The following RAF1 variants were observed in gnomAD, a reference collection of about 807,000 sequenced individuals.
RAF1 encodes the protein RAF proto-oncogene serine/threonine-protein kinase.
In RAF1, 27 loss-of-function variants were observed where a neutral mutation model predicts 81.1. The observed-to-expected ratio is 0.33, with a 90% CI of 0.25 to 0.46. The LOEUF is 0.46. RAF1 is among the 20% of genes least tolerant of loss of function. The pLI is 1.00. For missense variants in RAF1, 598 were observed against 826.0 expected (o/e 0.72, Z 3.38); for synonymous variants, 298 against 294.0 (o/e 1.01, Z -0.14).
At chr3:12,660,912 C>T (rs866565039) in intron 1 of RAF1, among the ~76,000 whole-genome samples, 2 of 151,988 alleles carry the variant, frequency 1.3e-5, no homozygotes, top group African/African-American at 2.4e-5. Flanking sequence ...AGGCAGAGGT[C>T]GCAGTGAGCC....
At chr3:12,622,249 G>A (rs1011729406) in intron 1 of RAF1, among the ~76,000 whole-genome samples, 3 of 152,088 alleles carry the variant, frequency 2.0e-5, no homozygotes, top group African/African-American at 7.2e-5. Context: ...AATAGATGAC[G>A]GAAGAGACAG....
At chr3:12,612,419 C>T (rs1325121565) in intron 2 of RAF1, among the ~76,000 whole-genome samples, 3 of 151,954 alleles carry the variant, frequency 2.0e-5, no homozygotes, top group Non-Finnish European at 4.4e-5. Context: ...GAAGCCGAGG[C>T]GGGTGGATCA....
At chr3:12,634,710 T>C (rs551926032) in intron 1 of RAF1, among the ~76,000 whole-genome samples, 2 of 151,690 alleles carry the variant, frequency 1.3e-5, no homozygotes, top group Admixed American at 6.6e-5. Flanking sequence ...AGGAAAGTGG[T>C]TGGAGGAAGA....
intron 11 of RAF1, among the ~76,000 whole-genome samples, chr3:12,594,777 T>C (rs1259133962): frequency 2.0e-5 from 3 of 152,180 alleles, no homozygotes; most frequent in African/African-American, 7.2e-5. Context: ...CAAATACATA[T>C]CACACCTCTG....
chr3:12,652,975 T>C (rs1220375246), intron 1 of RAF1, among the ~76,000 whole-genome samples: 1 of 149,646 alleles, frequency 6.7e-6, no homozygotes, highest in Non-Finnish European at 1.5e-5. Flanking sequence ...AATAAATAAA[T>C]AACTGCATAA....
At chr3:12,624,885 C>CAA (rs11298876) in intron 1 of RAF1, among the ~76,000 whole-genome samples, 1,665 of 111,394 alleles carry the variant, frequency 0.015, 36 homozygotes, top group African/African-American at 0.053. Context: ...GACTCCAACT[C>CAA]AAAAAAAAAA....
In RAF1 at chr3:12,627,929, G is replaced by A. The variant is rs375179964; in HGVS notation, c.-26-9182C>T. Among the ~76,000 whole-genome samples, 26 of 152,314 alleles carry A rather than the reference G, an allele frequency of 1.7e-4. 1 individual carries two copies. In the East Asian group the frequency reaches 3.1e-3, roughly 18 times the overall value. On this transcript the variant is annotated intron_variant, in intron 1 of 17. Coordinates refer to ENST00000442415, the MANE Select transcript of RAF1 (RefSeq NM_001354689.3). ...GAGGTCAGGAGGTTGAGACCCGCCT[G>A]GCCCACATGGCAAAATCCCGTCTCT...
At chr3:12,586,761 T>C (rs1466385296) in intron 14 of RAF1, 1 of 152,226 alleles carries the variant, frequency 6.6e-6, no homozygotes, top group East Asian at 1.9e-4. Flanking sequence ...TTTACTCTTC[T>C]ATAAAAACAA....
intron 13 of RAF1, chr3:12,587,962 CTTTTTTTT>C (rs33981119): frequency 3.2e-5 from 2 of 62,142 alleles, no homozygotes; most frequent in Non-Finnish European, 5.6e-5. Context: ...ACCATGCCGC[CTTTTTTTT>C]TTTTTTTTTT....
In RAF1 at chr3:12,606,195, A is replaced by G. The variant is rs371846795; in HGVS notation, c.680+6T>C. On this transcript the variant is annotated splice_donor_region_variant and intron_variant, in intron 6 of 17. Coordinates refer to ENST00000442415, the MANE Select transcript of RAF1 (RefSeq NM_001354689.3). ...TCTAAAAGAAAAGCTATAGGTAAAA[A>G]ATTACCTAACAGGCATCCTGGAAAC... 474 of 1,608,412 alleles carry G rather than the reference A, an allele frequency of 2.9e-4. No homozygotes were observed. The highest frequency in any genetic ancestry group is 3.8e-4 in the Non-Finnish European group (452 of 1,174,946).
At position 12,583,955 on chromosome 3, in the gene RAF1, G is replaced by C. The variant is rs1296547222; in HGVS notation, c.*559C>G. 1 of 244,184 alleles carries C rather than the reference G, an allele frequency of 4.1e-6. No homozygotes were observed. Among genetic ancestry groups the C allele is most frequent in the Non-Finnish European group, 8.1e-6 (1 of 123,434 alleles). The allele number at this position is 244,184 out of a possible 1,614,324, so 15.1% of individuals were successfully genotyped here. On this transcript the variant is annotated 3_prime_UTR_variant, in exon 18 of 18. Transcript: ENST00000442415. ...GGACACCTTAGAAGCTGTGAAAGGA[G>C]GACGTGTCCCCTAAGAAAAGTTCCA...
chr3:12,624,370 G>C (rs925802490), intron 1 of RAF1, among the ~76,000 whole-genome samples: 1 of 151,946 alleles, frequency 6.6e-6, no homozygotes, highest in Non-Finnish European at 1.5e-5. Context: ...AAAACAAGGA[G>C]GAAAAAGCAT....
At chr3:12,618,304 C>T (rs896987961) in intron 2 of RAF1, among the ~76,000 whole-genome samples, 6 of 149,696 alleles carry the variant, frequency 4.0e-5, no homozygotes, top group African/African-American at 1.5e-4. Context: ...ACATTCCAGG[C>T]AAGAGTAACA....
chr3:12,642,396 C>T (rs1369732430), intron 1 of RAF1, among the ~76,000 whole-genome samples: 1 of 150,916 alleles, frequency 6.6e-6, no homozygotes, highest in Non-Finnish European at 1.5e-5. Flanking sequence ...GTAATCCCAG[C>T]TAGTCGGGAG....
intron 1 of RAF1, among the ~76,000 whole-genome samples, chr3:12,644,639 C>T (rs1378501142): frequency 2.0e-5 from 3 of 152,128 alleles, no homozygotes; most frequent in Non-Finnish European, 4.4e-5. Context: ...CTTCCTATTG[C>T]CCTTTCTGAG....
chr3:12,632,813 T>G (rs997134949), intron 1 of RAF1, among the ~76,000 whole-genome samples: 4 of 152,080 alleles, frequency 2.6e-5, no homozygotes, highest in Admixed American at 2.6e-4. Context: ...TGTAATGACA[T>G]GGACACATTA....
At chr3:12,605,250 A>ATATGTGTGTGTGTGTGTGTGTGTG (rs1553613998) in intron 6 of RAF1, among the ~76,000 whole-genome samples, 29 of 144,634 alleles carry the variant, frequency 2.0e-4, no homozygotes, top group African/African-American at 6.4e-4. Context: ...ATTACACATT[A>ATATGTGTGTGTGTGTGTGTGTGTG]TGTGTGTGTG....
intron 8 of RAF1, among the ~76,000 whole-genome samples, chr3:12,601,979 C>A (rs933149709): frequency 1.3e-5 from 2 of 152,190 alleles, no homozygotes; most frequent in Non-Finnish European, 2.9e-5. Context: ...CAATAGAAAT[C>A]GGCAGCTGTA....
intron 11 of RAF1, among the ~76,000 whole-genome samples, chr3:12,592,425 CTAA>C (rs1329138734): frequency 2.0e-5 from 3 of 152,190 alleles, no homozygotes; most frequent in African/African-American, 7.2e-5. Flanking sequence ...AAAAGTAATT[CTAA>C]TAATACTGAA....
Sources: gnomAD v4.1 joint callset for allele counts (sites outside exome capture counted in the v4.1 genomes callset) on GRCh38, gnomAD v4.1.1 for gene constraint, MANE v1.5 for transcripts, NCBI Gene and HGNC (gene_info 2026-07-23, HGNC 2026-07-21) for gene names.